Variants in VPS8 observed in about 807,000 individuals in gnomAD.
The protein encoded by VPS8 is VPS8 subunit of CORVET complex, also known as vacuolar protein sorting-associated protein 8 homolog.
In VPS8, 129 loss-of-function variants were observed where a neutral mutation model predicts 216.4. That is an observed-to-expected ratio of 0.60 (90% confidence interval 0.52 to 0.69). The LOEUF is 0.69. Ranked by LOEUF, VPS8 falls within the 30% of genes least tolerant of loss-of-function variation. The pLI, the probability that VPS8 is intolerant of heterozygous loss-of-function variation, is 0.00. For missense variants in VPS8, 1,531 were observed against 1,683.5 expected (o/e 0.91, Z 1.59); for synonymous variants, 571 against 565.4 (o/e 1.01, Z -0.14).
intron 35 of VPS8, among the ~76,000 whole-genome samples, chr3:184,938,643 TTTTTTC>T (rs1318292607): frequency 7.1e-6 from 1 of 141,134 alleles, no homozygotes; most frequent in African/African-American, 3.1e-5. Flanking sequence ...TTTCTTTTCT[TTTTTTC>T]TTTTTTTTTT....
In VPS8 at chr3:185,012,949, G is replaced by GTT. The variant is rs1561114479; in HGVS notation, c.4003-11387_4003-11386insTT. Among the ~76,000 whole-genome samples the GTT allele has an allele frequency of 8.7e-3, 1,329 of 152,252 alleles. 20 individuals carry two copies. Among genetic ancestry groups the GTT allele is most frequent in the African/African-American group, 0.03 (1,247 of 41,516 alleles). On this transcript the variant is annotated intron_variant, in intron 45 of 47. Coordinates refer to ENST00000625842, the MANE Select transcript of VPS8 (RefSeq NM_001009921.3). The stretch of plus-strand genomic sequence containing the variant: ...ATAAGTATTGTTTCTATAGATTATA[G>GTT]ATTAGCTAAAAGCATTTCCTACGGG...
chr3:185,012,635 A>G (rs1755180696), intron 45 of VPS8, among the ~76,000 whole-genome samples: 2 of 152,074 alleles, frequency 1.3e-5, no homozygotes, highest in South Asian at 2.1e-4. Context: ...GCCAAAGACA[A>G]CAATAAGAAT....
intron 42 of VPS8, among the ~76,000 whole-genome samples, chr3:184,986,906 A>G (rs1055936579): frequency 1.2e-4 from 19 of 152,138 alleles, no homozygotes; most frequent in Non-Finnish European, 2.4e-4. Context: ...ATTTGTTACA[A>G]TTGGTGAATT....
At chr3:184,920,864 C>G (rs1405089735) in intron 29 of VPS8, among the ~76,000 whole-genome samples, 1 of 152,158 alleles carries the variant, frequency 6.6e-6, no homozygotes, top group African/African-American at 2.4e-5. Context: ...GGACAAGACA[C>G]CAGAATTAAA....
chr3:184,933,955 T>A (rs893362659), intron 34 of VPS8, among the ~76,000 whole-genome samples: 3 of 152,202 alleles, frequency 2.0e-5, no homozygotes, highest in African/African-American at 4.8e-5. Flanking sequence ...CATTTTAGAA[T>A]CAACTTATCA....
intron 43 of VPS8, among the ~76,000 whole-genome samples, chr3:184,994,953 C>T (rs977943420): frequency 3.9e-5 from 6 of 152,176 alleles, no homozygotes; most frequent in African/African-American, 1.4e-4. Flanking sequence ...TGCAGGGAAA[C>T]TCCCCCTTAT....
intron 21 of VPS8, among the ~76,000 whole-genome samples, chr3:184,881,248 A>G (rs1456207994): frequency 6.6e-6 from 1 of 151,956 alleles, no homozygotes; most frequent in East Asian, 1.9e-4. Context: ...ATTTTCTCCT[A>G]TGTTTTTTTC....
At chr3:184,856,697 T>TA (rs771946166) in intron 14 of VPS8, among the ~76,000 whole-genome samples, 1 of 152,196 alleles carries the variant, frequency 6.6e-6, no homozygotes, top group Non-Finnish European at 1.5e-5. Flanking sequence ...TGTACATGTC[T>TA]AGCCTGGATT....
intron 1 of VPS8, among the ~76,000 whole-genome samples, chr3:184,823,294 C>G (rs1718011072): frequency 6.6e-6 from 1 of 152,212 alleles, no homozygotes; most frequent in African/African-American, 2.4e-5. Context: ...TGGAGGATGG[C>G]TTGAGCCCAA....
At chr3:184,846,031 CA>C (rs1165597137) in intron 8 of VPS8, among the ~76,000 whole-genome samples, 4 of 152,114 alleles carry the variant, frequency 2.6e-5, no homozygotes, top group Non-Finnish European at 5.9e-5. Context: ...GCATTTTCTA[CA>C]TTTTACAGAT....
rs766046404 is a variant in VPS8 at position 184,957,463 on chromosome 3, C to T, written c.3125C>T (p.Thr1042Ile). 7 of 1,612,526 alleles carry T rather than the reference C, an allele frequency of 4.3e-6. No individual in the cohort carries two copies. The highest frequency in any genetic ancestry group is 2.7e-5 in the African/African-American group (2 of 74,888). ...GAGCTGTTGTGTCAGTTCAACCCAA[C>T]CCAAGTTATAGAGACTCTGCAAGTC... ...FIELLCQFNP[T>I]QVIETLQVLE... Residue 1042 changes from threonine (T) to isoleucine (I), a missense_variant, in exon 37 of 48, where the codon ACC (threonine) becomes ATC (isoleucine). Around this residue, in one of 3 missense-constraint regions of VPS8, gnomAD observed 1,318 missense variants for 1,468.4 expected, o/e 0.90. Coordinates refer to ENST00000625842, the MANE Select transcript of VPS8 (RefSeq NM_001009921.3).
chr3:184,921,190 T>G lies in VPS8; in HGVS notation c.2454+992T>G, dbSNP rs114482517. 6.9e-3 allele frequency among the ~76,000 whole-genome samples: 1,048 copies of G among 152,304 alleles called. 10 individuals are homozygous for G. The highest frequency in any genetic ancestry group is 0.018 in the African/African-American group (764 of 41,570). On this transcript the variant is annotated intron_variant, in intron 29 of 47. Coordinates refer to ENST00000625842, the MANE Select transcript of VPS8 (RefSeq NM_001009921.3). ...ATTGAGTTCTGCTGTGAGAGAAAAC[T>G]CAAAATAACAATAGTTTAATTGTGA...
At chr3:184,981,388 G>GGGT (rs1418893011) in intron 40 of VPS8, among the ~76,000 whole-genome samples, 1 of 151,952 alleles carries the variant, frequency 6.6e-6, no homozygotes, top group Non-Finnish European at 1.5e-5. Context: ...AGCAGAGGTG[G>GGGT]GGTGGCAGCG....
intron 37 of VPS8, among the ~76,000 whole-genome samples, chr3:184,958,123 G>A (rs1401556643): frequency 6.6e-6 from 1 of 152,108 alleles, no homozygotes; most frequent in African/African-American, 2.4e-5. Flanking sequence ...CATATTAAAC[G>A]CCGGGTGGGT....
chr3:184,903,721 T>A (rs1486737201), intron 25 of VPS8, among the ~76,000 whole-genome samples: 1 of 152,204 alleles, frequency 6.6e-6, no homozygotes, highest in Non-Finnish European at 1.5e-5. Context: ...TAGCTGAGAT[T>A]ACAGGTGTGA....
intron 1 of VPS8, among the ~76,000 whole-genome samples, chr3:184,815,251 G>A (rs978255574): frequency 1.3e-5 from 2 of 152,070 alleles, no homozygotes; most frequent in Non-Finnish European, 2.9e-5. Flanking sequence ...TACATAAACT[G>A]GCACATAGTT....
intron 45 of VPS8, among the ~76,000 whole-genome samples, chr3:185,021,789 C>T (rs750188864): frequency 4.6e-5 from 7 of 152,136 alleles, no homozygotes; most frequent in Non-Finnish European, 7.4e-5. Context: ...ACTTGAATAG[C>T]GATGGCGACA....
intron 47 of VPS8, among the ~76,000 whole-genome samples, chr3:185,051,618 A>G (rs571252263): frequency 5.3e-5 from 8 of 152,300 alleles, no homozygotes; most frequent in African/African-American, 1.9e-4. Flanking sequence ...TGCCAGAGAG[A>G]GCACAGTTTG....
intron 8 of VPS8, among the ~76,000 whole-genome samples, chr3:184,844,510 C>T (rs1449158758): frequency 6.6e-6 from 1 of 152,100 alleles, no homozygotes; most frequent in African/African-American, 2.4e-5. Context: ...GTTCCACACA[C>T]ACAATTAAAC....
Sources: allele counts gnomAD v4.1 joint callset (sites outside exome capture counted in the v4.1 genomes callset), GRCh38; gene constraint gnomAD v4.1.1; regional missense constraint gnomAD v4.1.1; transcripts MANE v1.5; gene names NCBI Gene and HGNC (gene_info 2026-07-23, HGNC 2026-07-21).